The following CRHBP variants were observed in gnomAD, a reference collection of about 807,000 sequenced individuals.
CRHBP encodes corticotropin releasing hormone binding protein.
A neutral mutation model predicts 34.9 loss-of-function variants in CRHBP; 19 were observed. The ratio of observed to expected loss-of-function variants is 0.55; its 90% CI spans 0.38 to 0.80. CRHBP has a LOEUF of 0.80. CRHBP is among the 30% of genes least tolerant of loss of function. CRHBP has a pLI of 0.00. For synonymous variants in CRHBP, 154 were observed against 153.4 expected (o/e 1.00, Z -0.03); for missense variants, 328 against 409.2 (o/e 0.80, Z 1.71).
Position 76,966,283 on chromosome 5 carries a change from G to A in CRHBP, c.812-2445G>A, listed in dbSNP as rs138521395. On this transcript the variant is annotated intron_variant, in intron 6 of 6. Transcript: ENST00000274368. ...TCTGCCCACCTCGGCCTCCCAAAGT[G>A]CTGGGATTACAGGTGTGAGCCACTG... Among the ~76,000 whole-genome samples, 568 of 152,322 alleles carry A rather than the reference G, an allele frequency of 3.7e-3. 6 individuals carry two copies. Among genetic ancestry groups the A allele is most frequent in the African/African-American group, 0.013 (536 of 41,564 alleles).
intron 2 of CRHBP, among the ~76,000 whole-genome samples, chr5:76,974,977 A>C (rs1561269506): frequency 6.6e-6 from 1 of 152,240 alleles, no homozygotes; most frequent in Non-Finnish European, 1.5e-5. Context: ...AACTGAAAAC[A>C]GGAAGTGTTT....
At chr5:76,967,243 A>G (rs901476653) in intron 6 of CRHBP, among the ~76,000 whole-genome samples, 1 of 152,192 alleles carries the variant, frequency 6.6e-6, no homozygotes, top group African/African-American at 2.4e-5. Context: ...TCCTGCCACA[A>G]AAAAAAGAAA....
intron 4 of CRHBP, 24 bp from the exon 5 acceptor site, chr5:76,958,716 GA>G: frequency 6.3e-7 from 1 of 1,594,974 alleles, no homozygotes; most frequent in Non-Finnish European, 8.5e-7. Context: ...AAGGAAACGT[GA>G]ATTTCTTTTT....
In CRHBP at chr5:76,954,193, C is replaced by G; in HGVS notation, c.333+7C>G. ...GGGCGGCGACTTCCTGAAGGTGAGGCGCCCACGGCCAGCCAACCTAGCCGG... is the reference window on the plus strand; with the variant it reads ...GGGCGGCGACTTCCTGAAGGTGAGGGGCCCACGGCCAGCCAACCTAGCCGG... On this transcript the variant is annotated splice_region_variant and intron_variant, in intron 3 of 6. Coordinates refer to ENST00000274368, the MANE Select transcript of CRHBP (RefSeq NM_001882.4). 3 of 1,610,404 alleles carry G rather than the reference C, an allele frequency of 1.9e-6. No individual in the cohort carries two copies. Among genetic ancestry groups the G allele is most frequent in the Non-Finnish European group, 2.5e-6 (3 of 1,178,108 alleles).
In CRHBP at chr5:76,969,347, G is replaced by A. The variant is rs1375954248; in HGVS notation, c.*462G>A. ...TTTCTATTTATTATTGTTACAATAGGTAATAGTTATAGCAATTATTTATTG... is the reference window on the plus strand; with the variant it reads ...TTTCTATTTATTATTGTTACAATAGATAATAGTTATAGCAATTATTTATTG... On this transcript the variant is annotated 3_prime_UTR_variant, in exon 7 of 7. Transcript: ENST00000274368. 2.0e-5 allele frequency: 3 copies of A among 152,932 alleles called. No homozygotes were observed. The highest frequency in any genetic ancestry group is 7.2e-5 in the African/African-American group (3 of 41,446). 9.5% of individuals were successfully genotyped at this position (152,932 alleles called of 1,614,324 possible).
At chr5:76,964,189 G>C (rs1745824242) in intron 6 of CRHBP, among the ~76,000 whole-genome samples, 1 of 152,132 alleles carries the variant, frequency 6.6e-6, no homozygotes, top group Admixed American at 6.5e-5. Context: ...GGGGAGGTGG[G>C]GGAGAGGAGT....
intron 3 of CRHBP, among the ~76,000 whole-genome samples, chr5:76,980,178 C>T (rs1413830479): frequency 6.7e-6 from 1 of 148,340 alleles, no homozygotes; most frequent in Non-Finnish European, 1.5e-5. Context: ...TGGCGTGAAC[C>T]CGGGAGGCGG....
At chr5:76,971,182 C>A (rs1225786464), downstream of CRHBP, among the ~76,000 whole-genome samples, 1 of 152,186 alleles carries the variant, frequency 6.6e-6, no homozygotes, top group Non-Finnish European at 1.5e-5. Flanking sequence ...ATTGACTCTG[C>A]AGCCAACCCT....
chr5:76,966,784 A>T (rs572548556), intron 6 of CRHBP, among the ~76,000 whole-genome samples: 2 of 152,152 alleles, frequency 1.3e-5, no homozygotes, highest in Non-Finnish European at 2.9e-5. Flanking sequence ...GCCCCTCCTG[A>T]GTTGTTCAGT....
At chr5:76,974,754 C>A (rs1466953728) in intron 2 of CRHBP, among the ~76,000 whole-genome samples, 3 of 152,274 alleles carry the variant, frequency 2.0e-5, no homozygotes, top group East Asian at 1.9e-4. Context: ...GATTATCATC[C>A]ATTTTTCTCT....
In CRHBP at chr5:76,969,075, G is replaced by A; in HGVS notation, c.*190G>A. ...TTTGTACTTTGCTTCTTTTATGTTT[G>A]TAATCTGTAAATGAACACATGGCAG... On this transcript the variant is annotated 3_prime_UTR_variant, in exon 7 of 7. Transcript: ENST00000274368. 1.9e-6 allele frequency: 1 copy of A among 535,068 alleles called. No homozygotes were observed. Among genetic ancestry groups the A allele is most frequent in the Non-Finnish European group, 3.1e-6 (1 of 319,592 alleles). 33.1% of individuals were successfully genotyped at this position (535,068 alleles called of 1,614,324 possible).
At chr5:76,965,752 T>C (rs965784919) in intron 6 of CRHBP, among the ~76,000 whole-genome samples, 1 of 152,196 alleles carries the variant, frequency 6.6e-6, no homozygotes. Flanking sequence ...TTTAAGACAA[T>C]TTTAAGGCTT....
chr5:76,972,120 A>G (rs1745956166), downstream of CRHBP, among the ~76,000 whole-genome samples: 1 of 151,910 alleles, frequency 6.6e-6, no homozygotes, highest in African/African-American at 2.4e-5. Context: ...TGCAGCCTCA[A>G]CTTCCTGGGG....
intron 3 of CRHBP, 71 bp from the exon 4 acceptor site, chr5:76,955,582 C>T (rs903229309): frequency 1.5e-5 from 21 of 1,424,186 alleles, no homozygotes; most frequent in East Asian, 2.3e-5. Context: ...ACTTTCCCCC[C>T]CTTTTCAACT....
chr5:76,957,110 G>A (rs890943590), intron 4 of CRHBP, among the ~76,000 whole-genome samples: 1 of 152,082 alleles, frequency 6.6e-6, no homozygotes, highest in Non-Finnish European at 1.5e-5. Context: ...GGAGGCCGAG[G>A]AGGAGGATCA....
chr5:76,953,475 A>G, intron 1 of CRHBP, 126 bp from the exon 2 acceptor site: 1 of 1,058,878 alleles, frequency 9.4e-7, no homozygotes, highest in Middle Eastern at 2.0e-4. Context: ...TTCTCCGGAC[A>G]CGGGAAAACA....
At chr5:76,974,257 T>C (rs1350313703), downstream of CRHBP, among the ~76,000 whole-genome samples, 1 of 152,078 alleles carries the variant, frequency 6.6e-6, no homozygotes, top group East Asian at 1.9e-4. Context: ...TCTCAAATGA[T>C]CCACCCGCCT....
downstream of CRHBP, among the ~76,000 whole-genome samples, chr5:76,974,366 G>C (rs113630193): frequency 0.022 from 3,312 of 151,314 alleles, 123 homozygotes; most frequent in African/African-American, 0.077. Context: ...TGGCCAGGCT[G>C]GTCTCAAACT....
chr5:76,959,494 A>C (rs1745743153), intron 5 of CRHBP, among the ~76,000 whole-genome samples: 1 of 152,244 alleles, frequency 6.6e-6, no homozygotes, highest in South Asian at 2.1e-4. Flanking sequence ...CTTAAAATTC[A>C]TGCTGAGTTT....
Sources: gnomAD v4.1 joint callset for allele counts (sites outside exome capture counted in the v4.1 genomes callset) on GRCh38, gnomAD v4.1.1 for gene constraint, MANE v1.5 for transcripts, NCBI Gene and HGNC (gene_info 2026-07-23, HGNC 2026-07-21) for gene names.